Variants in EHMT1 observed in about 807,000 individuals in gnomAD.
EHMT1 encodes euchromatic histone lysine methyltransferase 1.
EHMT1 carries 15 observed loss-of-function variants against 147.2 expected under a neutral mutation model. That is an observed-to-expected ratio of 0.10 (90% CI 0.07 to 0.16). The LOEUF is 0.16. EHMT1 is among the 10% of genes least tolerant of loss of function. The pLI, the probability that EHMT1 is intolerant of heterozygous loss-of-function variation, is 1.00. For missense variants in EHMT1, 1,587 were observed against 1,772.4 expected, an observed-to-expected ratio of 0.90 and a Z score of 1.88; for synonymous variants, 795 against 709.6, an observed-to-expected ratio of 1.12 and a Z score of -1.91.
chr9:137,824,165 C>T (rs1384682679), intron 25 of EHMT1, among the ~76,000 whole-genome samples: 2 of 152,154 alleles, frequency 1.3e-5, no homozygotes, highest in African/African-American at 4.8e-5. Flanking sequence ...CCCAGCACTT[C>T]TGGAGGCCGA....
intron 18 of EHMT1, among the ~76,000 whole-genome samples, chr9:137,807,231 A>G (rs1292947226): frequency 3.3e-5 from 5 of 152,074 alleles, no homozygotes; most frequent in African/African-American, 4.8e-5. Context: ...TGCTCTTTTC[A>G]ATTTTTAAAT....
chr9:137,814,158 C>G, intron 21 of EHMT1: 1 of 542,278 alleles, frequency 1.8e-6, no homozygotes, highest in Admixed American at 2.9e-5. Flanking sequence ...CCGCCCAGCC[C>G]TTCACCCACC....
intron 1 of EHMT1, among the ~76,000 whole-genome samples, chr9:137,626,851 T>C (rs1843292439): frequency 6.6e-6 from 1 of 151,728 alleles, no homozygotes; most frequent in African/African-American, 2.4e-5. Context: ...AGTGGCGTGA[T>C]CTCTGCTCAC....
intron 1 of EHMT1, among the ~76,000 whole-genome samples, chr9:137,704,568 C>T (rs1183516676): frequency 2.0e-5 from 3 of 152,068 alleles, no homozygotes; most frequent in Admixed American, 6.5e-5. Flanking sequence ...ATCCCTTGGC[C>T]ATTTGTCTTG....
At chr9:137,665,331 A>T (rs1939516837) in intron 1 of EHMT1, among the ~76,000 whole-genome samples, 1 of 152,030 alleles carries the variant, frequency 6.6e-6, no homozygotes, top group South Asian at 2.1e-4. Flanking sequence ...TGGGCATAGG[A>T]GGTGATGTTT....
intron 16 of EHMT1, among the ~76,000 whole-genome samples, chr9:137,798,489 G>A (rs183743576): frequency 7.9e-5 from 12 of 152,296 alleles, no homozygotes; most frequent in Admixed American, 2.6e-4. Flanking sequence ...TTCCGGAGCC[G>A]TGGGGTGGGC....
chr9:137,694,243 G>T (rs10123486), intron 1 of EHMT1, among the ~76,000 whole-genome samples: 14,508 of 96,936 alleles, frequency 0.15, 2,183 homozygotes, highest in Admixed American at 0.29. Flanking sequence ...CAGGACGCTG[G>T]CCGATACCCC....
chr9:137,670,083 C>T (rs1940385073), intron 1 of EHMT1, among the ~76,000 whole-genome samples: 1 of 152,200 alleles, frequency 6.6e-6, no homozygotes, highest in South Asian at 2.1e-4. Context: ...TGGTGTCTAA[C>T]TCTTGGCCTC....
chr9:137,692,862 C>T (rs1943062126), intron 1 of EHMT1, among the ~76,000 whole-genome samples: 1 of 152,004 alleles, frequency 6.6e-6, no homozygotes, highest in Non-Finnish European at 1.5e-5. Context: ...GACTTCAGAG[C>T]CGGCTGAGGA....
At chr9:137,646,237 G>A (rs751827266) in intron 1 of EHMT1, 8 of 589,510 alleles carry the variant, frequency 1.4e-5, no homozygotes, top group Non-Finnish European at 1.7e-5. Context: ...TGGGATTATA[G>A]GTGTGAGCCA....
intron 8 of EHMT1, among the ~76,000 whole-genome samples, chr9:137,757,292 C>T (rs969134241): frequency 6.6e-6 from 1 of 152,232 alleles, no homozygotes; most frequent in East Asian, 1.9e-4. Flanking sequence ...CACCCTGCTC[C>T]CTGGCACCTT....
At chr9:137,800,502 C>T (rs1043987257) in intron 17 of EHMT1, 15 of 284,498 alleles carry the variant, frequency 5.3e-5, no homozygotes, top group African/African-American at 1.1e-4. Context: ...TGGTGCGCTC[C>T]GGGTCTGGCC....
At chr9:137,793,394 C>T (rs996014989) in intron 16 of EHMT1, among the ~76,000 whole-genome samples, 4 of 152,196 alleles carry the variant, frequency 2.6e-5, no homozygotes, top group African/African-American at 9.7e-5. Context: ...ACAGGTGAGA[C>T]GCACCTCAGA....
intron 3 of EHMT1, among the ~76,000 whole-genome samples, chr9:137,725,846 A>G (rs1306893874): frequency 1.3e-5 from 2 of 151,760 alleles, no homozygotes; most frequent in African/African-American, 4.8e-5. Context: ...GCCCTGGCAC[A>G]CCCCTCTCAT....
At chr9:137,649,391 C>T (rs778830293) in intron 1 of EHMT1, among the ~76,000 whole-genome samples, 17 of 151,962 alleles carry the variant, frequency 1.1e-4, no homozygotes, top group South Asian at 2.1e-4. Flanking sequence ...ACCTGGGAGG[C>T]GGAGGTGGCA....
intron 25 of EHMT1, among the ~76,000 whole-genome samples, chr9:137,818,622 GCCGA>G (rs1289071691): frequency 1.4e-4 from 12 of 85,794 alleles, no homozygotes; most frequent in South Asian, 4.5e-4. Flanking sequence ...CCGTAGAGAG[GCCGA>G]CTGAGGGGCG....
chr9:137,697,728 C>T (rs1202543327), intron 1 of EHMT1, among the ~76,000 whole-genome samples: 1 of 152,120 alleles, frequency 6.6e-6, no homozygotes, highest in Non-Finnish European at 1.5e-5. Flanking sequence ...TACAAGAAGT[C>T]TTCAGTAATT....
chr9:137,649,687 G>A (rs1040256466), intron 1 of EHMT1, among the ~76,000 whole-genome samples: 3 of 152,122 alleles, frequency 2.0e-5, no homozygotes, highest in Non-Finnish European at 4.4e-5. Context: ...AGGCAGAGGT[G>A]GGAGCCAAGT....
Position 137,716,629 on chromosome 9 carries a change from C to T in EHMT1, c.89C>T (p.Thr30Ile), listed in dbSNP as rs776061622. The change falls in exon 3 of 27, where the codon ACA becomes ATA. Residue 30 changes from threonine to isoleucine, a missense_variant. Thr to Ile is a moderately conservative substitution (Grantham distance 89, BLOSUM62 -1). Transcript: ENST00000460843. ...ACACTCGTTTCTTTGTTGGCAGAGA[C>T]ACCTATGGCTGCCGATGAAGGCTCA... ...CVKTELLGEE[T>I]PMAADEGSAE... is the part of the protein sequence containing the mutation. 1.9e-6 allele frequency: 3 copies of T among 1,559,528 alleles called. No individual in the cohort carries two copies. The highest frequency in any genetic ancestry group is 2.6e-6 in the Non-Finnish European group (3 of 1,151,458).
Sources: gnomAD v4.1 joint callset for allele counts (sites outside exome capture counted in the v4.1 genomes callset) on GRCh38, gnomAD v4.1.1 for gene constraint, MANE v1.5 for transcripts, NCBI Gene and HGNC (gene_info 2026-07-23, HGNC 2026-07-21) for gene names.